DDAH1: variants seen among roughly 807,000 people sequenced by gnomAD.
DDAH1 encodes dimethylarginine dimethylaminohydrolase 1.
Under a neutral mutation model 28.8 loss-of-function variants are expected in DDAH1, and 19 were observed. The observed-to-expected ratio is 0.66, with a 90% CI of 0.46 to 0.97. The LOEUF is 0.97. Ranked by LOEUF, DDAH1 falls within the 50% of genes least tolerant of loss-of-function variation. The probability of loss-of-function intolerance (pLI) is 0.00; values close to 1 mark genes in which losing one functional copy is unlikely to be tolerated. For missense variants in DDAH1, 326 were observed against 375.9 expected, an observed-to-expected ratio of 0.87 and a Z score of 1.10; for synonymous variants, 153 against 154.4, an observed-to-expected ratio of 0.99 and a Z score of 0.07.
At chr1:85,388,395 A>C (rs1289014884) in intron 1 of DDAH1, among the ~76,000 whole-genome samples, 1 of 152,224 alleles carries the variant, frequency 6.6e-6, no homozygotes, top group African/African-American at 2.4e-5. Context: ...AGTCATATAA[A>C]TAGACAGTAA....
At chr1:85,462,481 A>G (rs930539276) in intron 1 of DDAH1, among the ~76,000 whole-genome samples, 5 of 152,234 alleles carry the variant, frequency 3.3e-5, no homozygotes, top group Non-Finnish European at 7.3e-5. Flanking sequence ...TAATTTTAAA[A>G]TAATTCCTTG....
intron 1 of DDAH1, among the ~76,000 whole-genome samples, chr1:85,431,286 C>T (rs543614257): frequency 9.9e-5 from 15 of 152,198 alleles, no homozygotes; most frequent in Non-Finnish European, 1.6e-4. Context: ...CTGCTGGATT[C>T]GGTTTGCCAG....
intron 1 of DDAH1, among the ~76,000 whole-genome samples, chr1:85,370,589 C>T (rs369866474): frequency 8.7e-6 from 1 of 114,786 alleles, no homozygotes; most frequent in Non-Finnish European, 1.9e-5. Flanking sequence ...TAAAAAGCAA[C>T]TGCAGTAGTC....
intron 1 of DDAH1, among the ~76,000 whole-genome samples, chr1:85,410,635 CT>C (rs1652611314): frequency 2.6e-5 from 1 of 39,136 alleles, no homozygotes; most frequent in South Asian, 4.6e-4. Flanking sequence ...GAAGCTCTGC[CT>C]CAAAAAAAAA....
intron 1 of DDAH1, among the ~76,000 whole-genome samples, chr1:85,366,967 C>T (rs992489158): frequency 1.3e-5 from 2 of 152,116 alleles, no homozygotes; most frequent in African/African-American, 4.8e-5. Context: ...ATAAGAGAGA[C>T]GTCAGGCTCT....
chr1:85,522,756 C>T (rs1245563550), intron 1 of DDAH1, among the ~76,000 whole-genome samples: 3 of 152,208 alleles, frequency 2.0e-5, no homozygotes, highest in Non-Finnish European at 4.4e-5. Flanking sequence ...GAAACAACAT[C>T]TCTAATCAGT....
At chr1:85,496,415 T>C (rs1268022810) in intron 1 of DDAH1, 1 of 156,572 alleles carries the variant, frequency 6.4e-6, no homozygotes, top group Non-Finnish European at 1.4e-5. Context: ...GCTGCAAGTT[T>C]GTTATTGTTA....
intron 1 of DDAH1, chr1:85,404,263 A>G (rs561441544): frequency 3.3e-6 from 3 of 901,862 alleles, no homozygotes; most frequent in Non-Finnish European, 4.9e-6. Context: ...ACTTCTTAGA[A>G]GATGCCACCA....
At position 85,355,141 on chromosome 1, in the gene DDAH1, G is replaced by T. The variant is rs1015667258; in HGVS notation, c.404-3562C>A. Among the ~76,000 whole-genome samples the T allele has an allele frequency of 3.9e-5, 6 of 152,048 alleles. 1 individual carries two copies. The highest frequency in any genetic ancestry group is 2.0e-4 in the Admixed American group (3 of 15,264). ...TAAGTAACTTTATACCCAACATATT[G>T]AAAACTTAAAACAGATAAAATCTTA... On this transcript the variant is annotated intron_variant, in intron 2 of 5. Transcript: ENST00000284031.
At chr1:85,484,321 T>C (rs1175369642) in intron 2 of DDAH1, among the ~76,000 whole-genome samples, 1 of 151,938 alleles carries the variant, frequency 6.6e-6, no homozygotes, top group African/African-American at 2.4e-5. Flanking sequence ...AACTTTGTGG[T>C]ATAATGAATT....
intron 4 of DDAH1, among the ~76,000 whole-genome samples, chr1:85,339,295 C>G (rs233067): frequency 0.34 from 51,969 of 151,856 alleles, 9,024 homozygotes; most frequent in South Asian, 0.4. Flanking sequence ...AGTCACCTCT[C>G]AGTATGTGGT....
intron 2 of DDAH1, among the ~76,000 whole-genome samples, chr1:85,357,317 G>C (rs1225291375): frequency 6.6e-6 from 1 of 152,094 alleles, no homozygotes; most frequent in Non-Finnish European, 1.5e-5. Flanking sequence ...GGCAGCACAG[G>C]TGCAGTACAC....
rs565482759 is a variant in DDAH1 at position 85,448,788 on chromosome 1, C to T, written c.303+15955G>A. Among the ~76,000 whole-genome samples, 6 of 152,294 alleles carry T rather than the reference C, an allele frequency of 3.9e-5. No homozygotes were observed. The East Asian group carries it at 1.2e-3, about 29-fold the overall frequency. ...ACAGTTTTGACAATTGAGAAAATCACATTTTAATCTGTTTAATTAAACACA... is the reference window on the plus strand; with the variant it reads ...ACAGTTTTGACAATTGAGAAAATCATATTTTAATCTGTTTAATTAAACACA... On this transcript the variant is annotated intron_variant, in intron 1 of 5. Coordinates refer to ENST00000284031, the MANE Select transcript of DDAH1 (RefSeq NM_012137.4).
intron 2 of DDAH1, among the ~76,000 whole-genome samples, chr1:85,470,317 G>A (rs1474945000): frequency 6.6e-6 from 1 of 152,238 alleles, no homozygotes; most frequent in Non-Finnish European, 1.5e-5. Flanking sequence ...TGAGAATCAA[G>A]TGAAAGGGGT....
chr1:85,404,322 T>C (rs1652299860), intron 1 of DDAH1: 2 of 1,509,246 alleles, frequency 1.3e-6, no homozygotes, highest in South Asian at 2.5e-5. Flanking sequence ...AGGATTGCAG[T>C]TGACAAAGCC....
chr1:85,356,967 C>A (rs923216814), intron 2 of DDAH1, among the ~76,000 whole-genome samples: 1 of 152,148 alleles, frequency 6.6e-6, no homozygotes, highest in Non-Finnish European at 1.5e-5. Context: ...ACAGTACCTG[C>A]TTACAATAAG....
rs1658435721 is a variant in DDAH1, at chr1:85,540,370, A to G, written c.-123+37614T>C. ...TCCTCCTTACTCTACATGCCCAAAG[A>G]CAACCAGGTTTCAAAGCCCAGCACA... is the stretch of plus-strand genomic sequence containing the variant. On this transcript the variant is annotated intron_variant, in intron 1 of 6. Coordinates refer to the DDAH1 transcript ENST00000426972. 2.0e-5 allele frequency among the ~76,000 whole-genome samples: 3 copies of G among 152,096 alleles called. No individual in the cohort carries two copies. In the South Asian group the frequency reaches 6.2e-4, roughly 32 times the overall value.
chr1:85,428,926 A>G (rs1653539654), intron 1 of DDAH1, among the ~76,000 whole-genome samples: 1 of 152,130 alleles, frequency 6.6e-6, no homozygotes, highest in Non-Finnish European at 1.5e-5. Context: ...GAAACAAGCC[A>G]AGGTGGCAAT....
At chr1:85,546,957 G>A (rs573554589) in intron 1 of DDAH1, among the ~76,000 whole-genome samples, 13 of 152,268 alleles carry the variant, frequency 8.5e-5, no homozygotes, top group African/African-American at 2.9e-4. Flanking sequence ...GGGATTCAGG[G>A]AGGGAGCTGC....
Sources: gnomAD v4.1 joint callset for allele counts (sites outside exome capture counted in the v4.1 genomes callset) on GRCh38, gnomAD v4.1.1 for gene constraint, MANE v1.5 for transcripts, NCBI Gene and HGNC (gene_info 2026-07-23, HGNC 2026-07-21) for gene names.